Variants in RBL1 observed in about 807,000 individuals in gnomAD.
The protein encoded by RBL1 is retinoblastoma-like protein 1.
A neutral mutation model predicts 123.0 loss-of-function variants in RBL1; 82 were observed. The observed-to-expected ratio is 0.67, with a 90% CI of 0.56 to 0.80. The LOEUF is 0.80. RBL1 is among the 30% of genes least tolerant of loss of function. The probability of loss-of-function intolerance (pLI) is 0.00; values close to 1 mark genes in which losing one functional copy is unlikely to be tolerated. For synonymous variants in RBL1, 405 were observed against 441.3 expected (o/e 0.92, Z 1.03); for missense variants, 1,171 against 1,299.6 (o/e 0.90, Z 1.52).
rs1156767825 is a variant in RBL1, at chr20:37,070,483, T to TA, written c.291-2298dup. Among the ~76,000 whole-genome samples, 845 of 146,412 alleles carry TA rather than the reference T, an allele frequency of 5.8e-3. 8 individuals are homozygous for TA. Among genetic ancestry groups the TA allele is most frequent in the African/African-American group, 0.019 (757 of 39,886 alleles). The stretch of plus-strand genomic sequence containing the variant: ...ATTATCAATAAAAAATAAATAAATT[T>TA]AAAAAAAAAAACATAAAATAAAATA... On this transcript the variant is annotated intron_variant, in intron 2 of 21. Transcript: ENST00000373664.
At chr20:37,052,055 T>TA (rs2064923954) in intron 11 of RBL1, among the ~76,000 whole-genome samples, 1 of 151,602 alleles carries the variant, frequency 6.6e-6, no homozygotes, top group Non-Finnish European at 1.5e-5. Context: ...TTTTTTTAGA[T>TA]AGAGTCTCGC....
chr20:37,058,145 A>C lies in RBL1; in HGVS notation c.1251-1887T>G, dbSNP rs374769044. On this transcript the variant is annotated intron_variant, in intron 9 of 21. Transcript: ENST00000373664. ...AAAAAAAAAACAAAACAAAACAAAA[A>C]AAAAAAAGCCTATTCCAGGGTTCAC... Among the ~76,000 whole-genome samples the C allele has an allele frequency of 5.6e-3, 836 of 149,666 alleles. 33 individuals are homozygous for C. Among genetic ancestry groups the C allele is most frequent in the South Asian group, 0.023 (107 of 4,710 alleles).
At chr20:37,084,401 G>A (rs184112047) in intron 2 of RBL1, among the ~76,000 whole-genome samples, 319 of 151,668 alleles carry the variant, frequency 2.1e-3, no homozygotes, top group African/African-American at 7.3e-3. Context: ...AATTAATGAG[G>A]TAGAACTACA....
chr20:37,001,090 C>A (rs1278038551), intron 21 of RBL1, among the ~76,000 whole-genome samples: 2 of 147,516 alleles, frequency 1.4e-5, no homozygotes, highest in African/African-American at 2.5e-5. Flanking sequence ...GTCAGCCCCC[C>A]GCCTGGCCAG....
At chr20:37,081,946 T>C (rs1351902368) in intron 2 of RBL1, 1 of 455,262 alleles carries the variant, frequency 2.2e-6, no homozygotes, top group East Asian at 7.0e-5. Flanking sequence ...CCAATTATAA[T>C]ATCAGTAAAT....
At chr20:37,081,360 C>G (rs567157848) in intron 2 of RBL1, among the ~76,000 whole-genome samples, 6 of 152,052 alleles carry the variant, frequency 3.9e-5, no homozygotes, top group Non-Finnish European at 5.9e-5. Context: ...TTGGCTGGTG[C>G]GGTGGCTCAC....
At chr20:37,069,429 T>C (rs1417023331) in intron 2 of RBL1, among the ~76,000 whole-genome samples, 2 of 150,510 alleles carry the variant, frequency 1.3e-5, no homozygotes, top group Non-Finnish European at 2.9e-5. Context: ...ATCTAGGAAG[T>C]GAGGAGCGTC....
intron 7 of RBL1, among the ~76,000 whole-genome samples, chr20:37,064,906 G>A (rs889966542): frequency 6.6e-6 from 1 of 151,510 alleles, no homozygotes; most frequent in Non-Finnish European, 1.5e-5. Context: ...GATTACAGGC[G>A]TGAGCCACCA....
intron 14 of RBL1, among the ~76,000 whole-genome samples, chr20:37,039,334 G>A (rs2064683472): frequency 6.6e-6 from 1 of 152,188 alleles, no homozygotes; most frequent in Non-Finnish European, 1.5e-5. Context: ...ATTTGGAAAA[G>A]TAGGTATTTA....
chr20:37,073,292 CAA>C (rs562339644), intron 2 of RBL1, among the ~76,000 whole-genome samples: 1 of 151,748 alleles, frequency 6.6e-6, no homozygotes, highest in South Asian at 2.1e-4. Context: ...TGTTTGAAAA[CAA>C]AAAAACCTTA....
intron 2 of RBL1, among the ~76,000 whole-genome samples, chr20:37,079,654 T>G (rs1451367815): frequency 6.6e-6 from 1 of 151,994 alleles, no homozygotes; most frequent in Non-Finnish European, 1.5e-5. Context: ...AAAATTTTTT[T>G]GTAGAGACTA....
rs537696798 is a variant in RBL1, at chr20:37,042,997, T to C, written c.1770+1089A>G. On this transcript the variant is annotated intron_variant, in intron 13 of 21. Coordinates refer to ENST00000373664, the MANE Select transcript of RBL1 (RefSeq NM_002895.5). ...TAAATAAAATGTAGCATCCATACAA[T>C]GGAATATTACTTAGCAACAAAAGGA... is the stretch of plus-strand genomic sequence containing the variant. Among the ~76,000 whole-genome samples, 208 of 144,992 alleles carry C rather than the reference T, an allele frequency of 1.4e-3. 3 individuals are homozygous for C. The highest frequency in any genetic ancestry group is 2.2e-3 in the South Asian group (10 of 4,600).
intron 7 of RBL1, among the ~76,000 whole-genome samples, chr20:37,063,143 T>G (rs2065122597): frequency 6.6e-6 from 1 of 152,152 alleles, no homozygotes; most frequent in African/African-American, 2.4e-5. Flanking sequence ...AGTGGCCCAG[T>G]CTTGGCACAC....
intron 21 of RBL1, among the ~76,000 whole-genome samples, chr20:37,000,405 C>T (rs2063951019): frequency 8.4e-6 from 1 of 118,478 alleles, no homozygotes; most frequent in Non-Finnish European, 1.9e-5. Flanking sequence ...CCGCCCCATC[C>T]AGGAGGGAGG....
rs2065108267 is a variant in RBL1, at chr20:37,062,227, C to T, written c.940G>A (p.Gly314Ser). ...KEYEEYVLTV[G>S]DFDERIFLGA... Reference sequence around the variant, plus strand: ...AAAAAGATCCTCTCATCAAAATCACCAACAGTTAGAACATACTCTTCATAC... The same window carrying T: ...AAAAAGATCCTCTCATCAAAATCACTAACAGTTAGAACATACTCTTCATAC... Residue 314 changes from glycine (G) to serine (S), a missense_variant, in exon 8 of 22, where the codon GGT becomes AGT. Coordinates refer to ENST00000373664, the MANE Select transcript of RBL1 (RefSeq NM_002895.5). 11 of 1,614,138 alleles carry T rather than the reference C, an allele frequency of 6.8e-6. No individual in the cohort carries two copies. The highest frequency in any genetic ancestry group is 9.3e-6 in the Non-Finnish European group (11 of 1,180,024).
chr20:37,011,196 T>G (rs1288041390), intron 19 of RBL1, among the ~76,000 whole-genome samples: 1 of 152,162 alleles, frequency 6.6e-6, no homozygotes, highest in Non-Finnish European at 1.5e-5. Context: ...TACAATACAC[T>G]TGAGTACAGT....
intron 2 of RBL1, among the ~76,000 whole-genome samples, chr20:37,077,410 A>G (rs1163811506): frequency 1.3e-5 from 2 of 152,178 alleles, no homozygotes; most frequent in African/African-American, 4.8e-5. Context: ...AGTAAAGCAG[A>G]TTACTCTTCA....
intron 20 of RBL1, among the ~76,000 whole-genome samples, chr20:37,004,904 G>A (rs773505038): frequency 6.6e-6 from 1 of 151,564 alleles, no homozygotes; most frequent in Non-Finnish European, 1.5e-5. Context: ...TTAGCCAGGT[G>A]TGGTGGCGTG....
At chr20:37,012,593 G>T (rs1225511883) in intron 19 of RBL1, among the ~76,000 whole-genome samples, 2 of 143,706 alleles carry the variant, frequency 1.4e-5, no homozygotes, top group Middle Eastern at 3.6e-3. Context: ...CTGCCCAGCC[G>T]CCCCGTCTGA....
Sources: gnomAD v4.1 joint callset for allele counts (sites outside exome capture counted in the v4.1 genomes callset) on GRCh38, gnomAD v4.1.1 for gene constraint, MANE v1.5 for transcripts, NCBI Gene and HGNC (gene_info 2026-07-23, HGNC 2026-07-21) for gene names.